LDLRAD3: variants seen among roughly 807,000 people sequenced by gnomAD.
LDLRAD3 encodes the protein low-density lipoprotein receptor class A domain-containing protein 3.
LDLRAD3 carries 20 observed loss-of-function variants against 29.4 expected under a neutral mutation model. The observed-to-expected ratio is 0.68, with a 90% CI of 0.48 to 0.99. The LOEUF (loss-of-function observed/expected upper bound fraction) is 0.99. Among genes scored for constraint, LDLRAD3 ranks in the 50% least tolerant of loss-of-function variants. The probability of loss-of-function intolerance (pLI) is 0.00; values close to 1 mark genes in which losing one functional copy is unlikely to be tolerated. For synonymous variants in LDLRAD3, 157 were observed against 192.7 expected, an observed-to-expected ratio of 0.81 and a Z score of 1.53; for missense variants, 420 against 454.3, an observed-to-expected ratio of 0.92 and a Z score of 0.69.
intron 4 of LDLRAD3, among the ~76,000 whole-genome samples, chr11:36,205,177 T>G (rs1168586682): frequency 1.3e-5 from 2 of 152,198 alleles, no homozygotes; most frequent in African/African-American, 4.8e-5. Context: ...TAGGACAGAT[T>G]AAGGCAACAA....
intron 2 of LDLRAD3, among the ~76,000 whole-genome samples, chr11:36,036,809 C>T (rs1263593571): frequency 6.6e-6 from 1 of 152,192 alleles, no homozygotes; most frequent in Non-Finnish European, 1.5e-5. Flanking sequence ...TTGCTGGGGA[C>T]ATCATCTTCT....
chr11:36,115,698 G>T lies in LDLRAD3; in HGVS notation c.454+17237G>T, dbSNP rs943350705. Among the ~76,000 whole-genome samples, 2 of 152,158 alleles carry T rather than the reference G, an allele frequency of 1.3e-5. 1 individual carries two copies. The highest frequency in any genetic ancestry group is 4.1e-4 in the South Asian group (2 of 4,824). ...CTCACCTCAAGCATCATCCAGCGAG[G>T]CTGTATATGGTGCTTCTGATGGAAG... On this transcript the variant is annotated intron_variant, in intron 4 of 5. Transcript: ENST00000315571.
chr11:36,179,126 T>A (rs1346809491), intron 4 of LDLRAD3, among the ~76,000 whole-genome samples: 1 of 152,192 alleles, frequency 6.6e-6, no homozygotes, highest in African/African-American at 2.4e-5. Context: ...TCCCAGGGTG[T>A]TCACTAAGTA....
chr11:36,044,991 A>G (rs759282733), intron 2 of LDLRAD3, among the ~76,000 whole-genome samples: 4 of 152,138 alleles, frequency 2.6e-5, no homozygotes, highest in Non-Finnish European at 5.9e-5. Context: ...CCTTCACCAC[A>G]CTGGCCTGAA....
intron 1 of LDLRAD3, among the ~76,000 whole-genome samples, chr11:35,948,071 G>C (rs370281898): frequency 2.6e-5 from 4 of 152,206 alleles, no homozygotes; most frequent in South Asian, 4.2e-4. Flanking sequence ...AACACTAGGC[G>C]GGGAGATGAT....
chr11:36,203,901 G>A (rs1253330384), intron 4 of LDLRAD3, among the ~76,000 whole-genome samples: 5 of 152,114 alleles, frequency 3.3e-5, no homozygotes, highest in African/African-American at 9.7e-5. Context: ...TTCTGGAATA[G>A]TGTGTGATTT....
intron 3 of LDLRAD3, among the ~76,000 whole-genome samples, chr11:36,094,370 A>G (rs189277821): frequency 6.6e-6 from 1 of 152,302 alleles, no homozygotes; most frequent in East Asian, 1.9e-4. Flanking sequence ...CTGCTTTGTG[A>G]CACAATGGCA....
chr11:36,146,167 C>G (rs1854191249), intron 4 of LDLRAD3, among the ~76,000 whole-genome samples: 1 of 152,188 alleles, frequency 6.6e-6, no homozygotes, highest in African/African-American at 2.4e-5. Flanking sequence ...GCTCAGCCTC[C>G]TGATCACACT....
At chr11:35,951,087 A>C (rs1395657822) in intron 1 of LDLRAD3, among the ~76,000 whole-genome samples, 3 of 152,148 alleles carry the variant, frequency 2.0e-5, no homozygotes, top group Non-Finnish European at 2.9e-5. Flanking sequence ...GTCTCAAAAA[A>C]TAAAAAATTA....
intron 1 of LDLRAD3, among the ~76,000 whole-genome samples, chr11:35,962,314 T>A (rs930705749): frequency 6.8e-6 from 1 of 147,450 alleles, no homozygotes; most frequent in Non-Finnish European, 1.5e-5. Context: ...AGTGAGATTC[T>A]GGAAGCAGAG....
intron 4 of LDLRAD3, among the ~76,000 whole-genome samples, chr11:36,158,493 C>T (rs1454927341): frequency 6.6e-6 from 1 of 151,248 alleles, no homozygotes; most frequent in East Asian, 1.9e-4. Flanking sequence ...ACCAACCCCG[C>T]TCCCTCTTCG....
intron 4 of LDLRAD3, among the ~76,000 whole-genome samples, chr11:36,179,785 G>A (rs940011586): frequency 2.9e-4 from 44 of 152,076 alleles, no homozygotes; most frequent in African/African-American, 7.7e-4. Flanking sequence ...TTGAACCCAG[G>A]AGTTTGATGC....
chr11:36,197,700 C>T (rs1215408079), intron 4 of LDLRAD3: 1 of 152,202 alleles, frequency 6.6e-6, no homozygotes, highest in Non-Finnish European at 1.5e-5. Context: ...CTATACCCAC[C>T]ATGGTTCCTG....
At chr11:36,114,760 A>T (rs531718994) in intron 4 of LDLRAD3, among the ~76,000 whole-genome samples, 42 of 151,972 alleles carry the variant, frequency 2.8e-4, no homozygotes, top group Non-Finnish European at 4.9e-4. Context: ...ATTTGTGGGG[A>T]CGTGACTCCA....
intron 1 of LDLRAD3, among the ~76,000 whole-genome samples, chr11:35,990,313 G>A (rs1851672085): frequency 6.6e-6 from 1 of 152,140 alleles, no homozygotes; most frequent in African/African-American, 2.4e-5. Context: ...GGTTCCATCT[G>A]GAGGCTCTGA....
chr11:36,044,042 C>T (rs767720587), intron 2 of LDLRAD3, among the ~76,000 whole-genome samples: 1 of 152,166 alleles, frequency 6.6e-6, no homozygotes, highest in Non-Finnish European at 1.5e-5. Context: ...CCTCACTTCA[C>T]TAAATTTCTT....
chr11:36,101,828 A>G, intron 4 of LDLRAD3: 1 of 281,310 alleles, frequency 3.6e-6, no homozygotes, highest in Admixed American at 4.9e-5. Flanking sequence ...AATCTCAGAG[A>G]TAGTTTGACT....
intron 2 of LDLRAD3, among the ~76,000 whole-genome samples, chr11:36,046,852 G>A (rs758466925): frequency 3.3e-5 from 5 of 152,182 alleles, no homozygotes; most frequent in Non-Finnish European, 5.9e-5. Flanking sequence ...ACAAAACCAA[G>A]TGTGTCAATA....
chr11:36,135,081 G>C (rs1590296440), intron 4 of LDLRAD3, among the ~76,000 whole-genome samples: 1 of 152,174 alleles, frequency 6.6e-6, no homozygotes, highest in African/African-American at 2.4e-5. Flanking sequence ...AAAGAAGAGT[G>C]ATGTTTGGTG....
Sources: allele counts gnomAD v4.1 joint callset (sites outside exome capture counted in the v4.1 genomes callset), GRCh38; gene constraint gnomAD v4.1.1; transcripts MANE v1.5; gene names NCBI Gene and HGNC (gene_info 2026-07-23, HGNC 2026-07-21).